Variants in SV2C observed in about 807,000 individuals in gnomAD.
SV2C encodes synaptic vesicle glycoprotein 2C.
SV2C carries 49 observed loss-of-function variants against 79.7 expected under a neutral mutation model. The ratio of observed to expected loss-of-function variants is 0.61; its 90% CI spans 0.49 to 0.78. SV2C has a LOEUF of 0.78. SV2C is among the 30% of genes least tolerant of loss of function. SV2C has a pLI of 0.00. For missense variants in SV2C, 833 were observed against 912.9 expected (o/e 0.91, Z 1.13); for synonymous variants, 334 against 333.2 (o/e 1.00, Z -0.03).
the SV2C span, among the ~76,000 whole-genome samples, chr5:75,883,632 A>G: frequency 6.9e-6 from 1 of 144,014 alleles, no homozygotes; most frequent in East Asian, 2.0e-4. Flanking sequence ...GTGGGAATTG[A>G]ACAATGAGAA....
At chr5:75,853,428 C>A in the SV2C span, among the ~76,000 whole-genome samples, 4 of 150,954 alleles carry the variant, frequency 2.6e-5, no homozygotes, top group East Asian at 1.9e-4. Context: ...TGGTGGCGGG[C>A]GCCTGTAGTC....
At chr5:75,903,490 A>T in the SV2C span, among the ~76,000 whole-genome samples, 2 of 152,002 alleles carry the variant, frequency 1.3e-5, no homozygotes, top group Non-Finnish European at 2.9e-5. Context: ...AACAAGTGTG[A>T]CCTACACTTT....
At chr5:76,307,853 C>CTTT (rs1027671424) in intron 12 of SV2C, among the ~76,000 whole-genome samples, 39 of 152,046 alleles carry the variant, frequency 2.6e-4, no homozygotes, top group African/African-American at 9.2e-4. Flanking sequence ...TTTAGTTCTT[C>CTTT]TTTATTTCTT....
the SV2C span, among the ~76,000 whole-genome samples, chr5:75,983,515 T>C: frequency 4.0e-5 from 6 of 151,700 alleles, no homozygotes; most frequent in Non-Finnish European, 8.8e-5. Context: ...AGTGCAAATA[T>C]CTTGTCTTGT....
At chr5:75,972,704 C>T in the SV2C span, among the ~76,000 whole-genome samples, 1 of 151,958 alleles carries the variant, frequency 6.6e-6, no homozygotes, top group African/African-American at 2.4e-5. Flanking sequence ...TGTGGAGAAA[C>T]AGGAACACTT....
the SV2C span, among the ~76,000 whole-genome samples, chr5:75,959,570 G>A: frequency 2.6e-5 from 4 of 151,980 alleles, no homozygotes; most frequent in African/African-American, 9.7e-5. Flanking sequence ...ACATGCACAT[G>A]TGTGCACACA....
At chr5:76,185,366 G>C (rs1302745014) in intron 2 of SV2C, among the ~76,000 whole-genome samples, 1 of 152,244 alleles carries the variant, frequency 6.6e-6, no homozygotes, top group Non-Finnish European at 1.5e-5. Context: ...GTTAGGCAGT[G>C]CCACAGTGGG....
chr5:75,931,901 C>T, the SV2C span, among the ~76,000 whole-genome samples: 1 of 152,126 alleles, frequency 6.6e-6, no homozygotes, highest in African/African-American at 2.4e-5. Flanking sequence ...ACCTCCACTC[C>T]TTCCTTCCTA....
In SV2C at chr5:76,134,872, G is replaced by A. The variant is rs114226044; in HGVS notation, c.580+2542G>A. On this transcript the variant is annotated intron_variant, in intron 2 of 12. Transcript: ENST00000502798. ...TTATTAAGCACTTACTGTGTGTAAA[G>A]CACAGTATTGTCACAAGGATAATAG... Among the ~76,000 whole-genome samples the A allele has an allele frequency of 6.7e-3, 1,024 of 152,126 alleles. 18 individuals carry two copies. Among genetic ancestry groups the A allele is most frequent in the African/African-American group, 0.024 (989 of 41,540 alleles).
intron 4 of SV2C, among the ~76,000 whole-genome samples, chr5:76,282,784 C>T (rs1011029173): frequency 2.0e-5 from 3 of 151,996 alleles, no homozygotes; most frequent in East Asian, 1.9e-4. Context: ...CCGAGGCAGG[C>T]GGATCACTTG....
the SV2C span, among the ~76,000 whole-genome samples, chr5:75,981,538 A>T: frequency 6.6e-6 from 1 of 152,196 alleles, no homozygotes; most frequent in South Asian, 2.1e-4. Context: ...AATGGAACAG[A>T]ATAAAGAACC....
intron 4 of SV2C, among the ~76,000 whole-genome samples, chr5:76,226,748 G>A (rs549909206): frequency 1.3e-5 from 2 of 152,312 alleles, no homozygotes; most frequent in Admixed American, 6.5e-5. Context: ...GTGTCCCAAT[G>A]TTAAGGAGAG....
chr5:76,336,443 A>G (rs1269743423), downstream of SV2C, among the ~76,000 whole-genome samples: 1 of 147,934 alleles, frequency 6.8e-6, no homozygotes, highest in African/African-American at 2.5e-5. Flanking sequence ...CCCACGTCCC[A>G]GACGATGGGC....
chr5:75,975,561 T>C, the SV2C span, among the ~76,000 whole-genome samples: 1 of 152,322 alleles, frequency 6.6e-6, no homozygotes, highest in Admixed American at 6.5e-5. Context: ...TTAAGCTTTC[T>C]CAAGCTCCAT....
chr5:75,997,154 G>A, the SV2C span, among the ~76,000 whole-genome samples: 543 of 151,840 alleles, frequency 3.6e-3, 4 homozygotes, highest in African/African-American at 0.012. Flanking sequence ...TTTGAGATAC[G>A]TCCCATCAAT....
the SV2C span, among the ~76,000 whole-genome samples, chr5:75,970,621 G>A: frequency 2.0e-5 from 3 of 151,992 alleles, no homozygotes; most frequent in Admixed American, 2.0e-4. Flanking sequence ...AAGACTAAAC[G>A]AGGAAGAAGC....
At chr5:75,948,142 A>G in the SV2C span, among the ~76,000 whole-genome samples, 2 of 151,998 alleles carry the variant, frequency 1.3e-5, no homozygotes, top group Non-Finnish European at 2.9e-5. Context: ...ATCAAGTTAC[A>G]TTGAATTATT....
At chr5:76,027,893 GT>G in the SV2C span, among the ~76,000 whole-genome samples, 1 of 152,188 alleles carries the variant, frequency 6.6e-6, no homozygotes, top group African/African-American at 2.4e-5. Context: ...ACTGTTACAT[GT>G]CCTGCATGAG....
chr5:76,093,836 A>G (rs1489945662), intron 1 of SV2C, among the ~76,000 whole-genome samples: 2 of 152,198 alleles, frequency 1.3e-5, no homozygotes, highest in Non-Finnish European at 2.9e-5. Context: ...CTTGCTTCTA[A>G]TGTCTTTCCC....
Sources: allele counts gnomAD v4.1 joint callset (sites outside exome capture counted in the v4.1 genomes callset), GRCh38; gene constraint gnomAD v4.1.1; transcripts MANE v1.5; gene names NCBI Gene and HGNC (gene_info 2026-07-23, HGNC 2026-07-21).